C3: variants seen among roughly 807,000 people sequenced by gnomAD.
The protein encoded by C3 is complement C3.
Under a neutral mutation model 207.9 loss-of-function variants are expected in C3, and 97 were observed. The observed-to-expected ratio is 0.47, with a 90% CI of 0.40 to 0.55. C3 has a LOEUF of 0.55. C3 is among the 20% of genes least tolerant of loss of function. C3 has a pLI of 0.00. For synonymous variants in C3, 848 were observed against 857.6 expected, an observed-to-expected ratio of 0.99 and a Z score of 0.20; for missense variants, 1,684 against 2,171.7, an observed-to-expected ratio of 0.78 and a Z score of 4.46.
intron 23 of C3, among the ~76,000 whole-genome samples, 170 bp from the exon 24 acceptor site, chr19:6,694,804 T>C (rs1382164482): frequency 1.3e-5 from 2 of 152,112 alleles, no homozygotes; most frequent in Non-Finnish European, 2.9e-5. Context: ...TGAGTGGCTG[T>C]TCGGGGGTCT....
Position 6,711,227 on chromosome 19 carries a change from C to A in C3, c.1270-31G>T. The A allele has an allele frequency of 1.9e-6, 3 of 1,588,540 alleles. No homozygotes were observed. In the South Asian group the frequency reaches 3.3e-5, roughly 18 times the overall value. ...TGGGGAAAGAGGGATGCCTGCTGGT[C>A]GCCGCCCGAGGATACCCACACCCGA... On this transcript the variant is annotated intron_variant, in intron 11 of 40. Transcript: ENST00000245907.
Position 6,710,651 on chromosome 19 carries a change from G to A in C3, c.1674C>T (p.Ser558=), listed in dbSNP as rs1967901041. Reference sequence around the variant, plus strand: ...AGGGCACACTTACCGAGCCCACGCAGGAGTCCTTGACGTCCACCCACACGG... The same window carrying A: ...AGGGCACACTTACCGAGCCCACGCAAGAGTCCTTGACGTCCACCCACACGG... The part of the protein sequence containing the change: ...ADSVWVDVKD[S]CVGSLVVKSG... Residue 558 remains serine (S), a synonymous_variant, in exon 13 of 41, where the codon TCC becomes TCT. Transcript: ENST00000245907. 1 of 1,612,430 alleles carries A rather than the reference G, an allele frequency of 6.2e-7. No individual in the cohort carries two copies. Among genetic ancestry groups the A allele is most frequent in the African/African-American group, 1.3e-5 (1 of 74,886 alleles).
At chr19:6,692,606 G>T (rs1287080682) in intron 26 of C3, among the ~76,000 whole-genome samples, 1 of 152,166 alleles carries the variant, frequency 6.6e-6, no homozygotes, top group African/African-American at 2.4e-5. Context: ...CATCATGGGA[G>T]AATGCAGGTG....
rs754895856 is a variant in C3, at chr19:6,682,223, C to T, written c.4179G>A (p.Arg1393=). The T allele has an allele frequency of 1.2e-6, 2 of 1,612,492 alleles. No individual in the cohort carries two copies. Among genetic ancestry groups the T allele is most frequent in the East Asian group, 4.5e-5 (2 of 44,892 alleles). The change falls in exon 34 of 41, where the codon CGG becomes CGA. Residue 1393 remains arginine (R), a synonymous_variant. Transcript: ENST00000245907. ...TAGACATAGTGGCATCCTGGTCTCCCCGGTACCTGGATAGTGCAGAAAGAA... is the reference window on the plus strand; with the variant it reads ...TAGACATAGTGGCATCCTGGTCTCCTCGGTACCTGGATAGTGCAGAAAGAA... The part of the protein sequence containing the change: ...TMILEICTRY[R]GDQDATMSIL...
chr19:6,710,126 G>A (rs1449304890), intron 13 of C3, among the ~76,000 whole-genome samples: 9 of 142,864 alleles, frequency 6.3e-5, no homozygotes, highest in Non-Finnish European at 1.4e-4. Context: ...AGGGGGGAGA[G>A]AGGGAAAGGG....
rs149246502 is a variant in C3 at position 6,703,663 on chromosome 19, C to T, written c.2246-1084G>A. On this transcript the variant is annotated intron_variant, in intron 17 of 40. Transcript: ENST00000245907. ...TGTGCATGTGGCTCTAAAGGATCACCGTCCCGAGAAACCGTGTCTGCTTCC... is the reference window on the plus strand; with the variant it reads ...TGTGCATGTGGCTCTAAAGGATCACTGTCCCGAGAAACCGTGTCTGCTTCC... Among the ~76,000 whole-genome samples the T allele has an allele frequency of 4.3e-3, 660 of 152,010 alleles. 4 individuals carry two copies. The highest frequency in any genetic ancestry group is 0.015 in the African/African-American group (619 of 41,446).
rs1467631760 is a variant in C3, at chr19:6,719,223, G to A, written c.255C>T (p.Asn85=). The change falls in exon 2 of 41, where the codon AAC becomes AAT. Residue 85 remains asparagine, a synonymous_variant. Coordinates refer to ENST00000245907, the MANE Select transcript of C3 (RefSeq NM_000064.4). This position sits in a 1 kb window ranked among gnomAD's most constrained non-coding sequence, Gnocchi z 5.4. ...VLTPATNHMG[N]VTFTIPANRE... is the part of the protein sequence containing the mutation. Reference sequence around the variant, plus strand: ...AGTCTGCACTCACCGTGAAGGTGACGTTGCCCATGTGGTTGGTGGCAGGGG... The same window carrying A: ...AGTCTGCACTCACCGTGAAGGTGACATTGCCCATGTGGTTGGTGGCAGGGG... 4 of 1,613,952 alleles carry A rather than the reference G, an allele frequency of 2.5e-6. No homozygotes were observed. Among genetic ancestry groups the A allele is most frequent in the African/African-American group, 2.7e-5 (2 of 74,950 alleles).
At chr19:6,706,954 C>A (rs1967789926) in intron 17 of C3, 122 bp downstream of exon 17, 6 of 713,606 alleles carry the variant, frequency 8.4e-6, no homozygotes, top group African/African-American at 1.8e-5. Context: ...GCCTCCTCCC[C>A]CCTCAGACAG....
intron 17 of C3, 145 bp from the exon 18 acceptor site, chr19:6,702,724 C>G: frequency 1.5e-6 from 1 of 685,762 alleles, no homozygotes; most frequent in Non-Finnish European, 2.7e-6. Context: ...ATGGTGAAAC[C>G]CATCTCTACT....
At chr19:6,703,149 T>C (rs774777921) in intron 17 of C3, among the ~76,000 whole-genome samples, 25 of 152,160 alleles carry the variant, frequency 1.6e-4, no homozygotes, top group South Asian at 4.1e-4. Flanking sequence ...ATCCCGGACA[T>C]GGAGGACTTC....
chr19:6,697,088 C>T (rs1967555425), intron 21 of C3, among the ~76,000 whole-genome samples: 1 of 130,532 alleles, frequency 7.7e-6, no homozygotes, highest in Non-Finnish European at 1.6e-5. Flanking sequence ...AATTTCAAAT[C>T]GAGTATAAAA....
chr19:6,702,266 A>AG (rs1165399158), intron 18 of C3, 54 bp from the exon 19 acceptor site: 2 of 1,235,506 alleles, frequency 1.6e-6, no homozygotes, highest in Non-Finnish European at 2.4e-6. Flanking sequence ...AGGGTGGTAG[A>AG]GGGGAAGAAC....
chr19:6,716,227 A>G (rs563585460), intron 4 of C3, among the ~76,000 whole-genome samples: 9 of 151,506 alleles, frequency 5.9e-5, no homozygotes, highest in Admixed American at 2.6e-4. Context: ...ATTTGCCCCA[A>G]TTATTTTTTG....
At position 6,719,429 on chromosome 19, in the gene C3, G is replaced by T. The variant is rs756481194; in HGVS notation, c.75-26C>A. On this transcript the variant is annotated intron_variant, in intron 1 of 40. Coordinates refer to ENST00000245907, the MANE Select transcript of C3 (RefSeq NM_000064.4). The surrounding 1 kb of genome is among the most constrained non-coding windows in gnomAD (Gnocchi z 5.4). ...CTGTCGGAGTGGGGCACGGGAGTGG[G>T]CTTGTCATTCCACGGATGTGAGACG... The T allele has an allele frequency of 6.2e-7, 1 of 1,606,072 alleles. No homozygotes were observed. Among genetic ancestry groups the T allele is most frequent in the East Asian group, 2.2e-5 (1 of 44,806 alleles).
rs1967639835 is a variant in C3 at position 6,700,546 on chromosome 19, A to AATATATAATATATGTAATATATG, written c.2440+1558_2440+1580dup. On this transcript the variant is annotated intron_variant, in intron 19 of 40. Transcript: ENST00000245907. ...ATGTAATATGATATATTATATATGT[A>AATATATAATATATGTAATATATG]ATATATAATATATGTAATATATGAT... 6.0e-5 allele frequency among the ~76,000 whole-genome samples: 2 copies of AATATATAATATATGTAATATATG among 33,184 alleles called. 1 individual carries two copies. Among genetic ancestry groups the AATATATAATATATGTAATATATG allele is most frequent in the Non-Finnish European group, 9.3e-5 (2 of 21,450 alleles). The allele number at this position is 33,184 out of a possible 152,430, so 21.8% of individuals were successfully genotyped here. A position where few individuals can be genotyped will look rare whatever the true frequency, so the allele number is the denominator to read the frequency against.
intron 6 of C3, 27 bp downstream of exon 6, chr19:6,714,139 A>G (rs766085047): frequency 1.2e-6 from 2 of 1,604,552 alleles, no homozygotes; most frequent in African/African-American, 2.7e-5. Context: ...CTGGGCACTG[A>G]CTCCCCCCAG....
intron 27 of C3, among the ~76,000 whole-genome samples, chr19:6,689,360 C>CCCCCCTCTCT (rs1918110076): frequency 6.0e-5 from 1 of 16,532 alleles, no homozygotes. Flanking sequence ...TCCCTCCCTC[C>CCCCCCTCTCT]CTCTCTCTCT....
At chr19:6,709,977 G>A in intron 13 of C3, 135 bp from the exon 14 acceptor site, 1 of 685,028 alleles carries the variant, frequency 1.5e-6, no homozygotes, top group South Asian at 1.7e-5. Flanking sequence ...GGGAGAGAGA[G>A]GGAGAGAGAG....
At chr19:6,693,340 G>C (rs1918215625) in intron 25 of C3, 72 bp downstream of exon 25, 1 of 1,462,928 alleles carries the variant, frequency 6.8e-7, no homozygotes, top group African/African-American at 1.4e-5. Context: ...ACCACCCCTG[G>C]CCAGGGTCCG....
Sources: gnomAD v4.1 joint callset for allele counts (sites outside exome capture counted in the v4.1 genomes callset) on GRCh38, gnomAD v4.1.1 for gene constraint, Gnocchi (gnomAD v3.1) non-coding constraint, MANE v1.5 for transcripts, NCBI Gene and HGNC (gene_info 2026-07-23, HGNC 2026-07-21) for gene names.